The following CDH23 variants were observed in gnomAD, a reference collection of about 807,000 sequenced individuals.
CDH23 encodes cadherin related 23.
Under a neutral mutation model 317.1 loss-of-function variants are expected in CDH23, and 189 were observed. That is an observed-to-expected ratio of 0.60 (90% confidence interval 0.53 to 0.67). The LOEUF (loss-of-function observed/expected upper bound fraction) is 0.67, where lower values mean the gene tolerates loss of function less well. Ranked by LOEUF, CDH23 falls within the 30% of genes least tolerant of loss-of-function variation. The probability of loss-of-function intolerance (pLI) is 0.00; values close to 1 mark genes in which losing one functional copy is unlikely to be tolerated. For synonymous variants in CDH23, 1,839 were observed against 1,876.8 expected (o/e 0.98, Z 0.52); for missense variants, 4,401 against 4,592.4 (o/e 0.96, Z 1.20).
At chr10:71,734,907 T>C (rs1839512368) in intron 34 of CDH23, among the ~76,000 whole-genome samples, 1 of 152,234 alleles carries the variant, frequency 6.6e-6, no homozygotes, top group Non-Finnish European at 1.5e-5. Flanking sequence ...GGGAGAGTAC[T>C]AGCAAAGGAG....
chr10:71,416,909 C>A (rs566022745), intron 1 of CDH23, among the ~76,000 whole-genome samples: 1 of 152,272 alleles, frequency 6.6e-6, no homozygotes, highest in Admixed American at 6.5e-5. Context: ...TGCCTTCTGG[C>A]TCCCATTGTT....
intron 3 of CDH23, among the ~76,000 whole-genome samples, chr10:71,503,338 T>G (rs1170476132): frequency 6.6e-6 from 1 of 152,190 alleles, no homozygotes; most frequent in Non-Finnish European, 1.5e-5. Context: ...GTGCTACTGA[T>G]TTGGGTGTTA....
At chr10:71,553,794 G>T (rs1378644753) in intron 6 of CDH23, among the ~76,000 whole-genome samples, 2 of 152,246 alleles carry the variant, frequency 1.3e-5, no homozygotes, top group African/African-American at 4.8e-5. Flanking sequence ...CCATTTGTGA[G>T]CAATAGATCT....
chr10:71,793,746 G>A, intron 48 of CDH23, 106 bp downstream of exon 48: 1 of 848,590 alleles, frequency 1.2e-6, no homozygotes, highest in Admixed American at 2.9e-5. Context: ...CTGTTCCCTT[G>A]CTACTCTCTT....
rs1011995074 is a variant in CDH23, at chr10:71,795,914, C to A, written c.6713-1190C>A. On this transcript the variant is annotated intron_variant, in intron 48 of 69. Coordinates refer to ENST00000224721, the MANE Select transcript of CDH23 (RefSeq NM_022124.6). Reference sequence around the variant, plus strand: ...ACCCCATTGCCTTCCTCCATGCCCACCACACCCCCACCACCCTTCCTGTCC... The same window carrying A: ...ACCCCATTGCCTTCCTCCATGCCCAACACACCCCCACCACCCTTCCTGTCC... 1.4e-5 allele frequency: 14 copies of A among 986,394 alleles called. No individual in the cohort carries two copies. In the African/African-American group the frequency reaches 2.1e-4, roughly 15 times the overall value. The allele number at this position is 986,394 out of a possible 1,614,324, so 61.1% of individuals were successfully genotyped here. A position where few individuals can be genotyped will look rare whatever the true frequency, so the allele number is the denominator to read the frequency against.
chr10:71,436,526 T>C (rs899403695), intron 1 of CDH23, among the ~76,000 whole-genome samples: 2 of 152,244 alleles, frequency 1.3e-5, no homozygotes, highest in African/African-American at 4.8e-5. Context: ...CAGGAGACTC[T>C]GACTCAGGCA....
intron 29 of CDH23, among the ~76,000 whole-genome samples, chr10:71,724,715 C>T (rs1201783035): frequency 6.6e-6 from 1 of 152,252 alleles, no homozygotes; most frequent in African/African-American, 2.4e-5. Context: ...AGCACGCTCC[C>T]CAGGGACTGG....
intron 11 of CDH23, among the ~76,000 whole-genome samples, chr10:71,632,305 A>G (rs981956708): frequency 2.0e-5 from 3 of 152,166 alleles, no homozygotes; most frequent in Non-Finnish European, 4.4e-5. Context: ...GCACCCTCCT[A>G]TACAGCTAGA....
intron 3 of CDH23, among the ~76,000 whole-genome samples, chr10:71,494,162 C>T (rs1437466158): frequency 1.3e-5 from 2 of 152,138 alleles, no homozygotes; most frequent in Non-Finnish European, 2.9e-5. Context: ...AGCAAAGTGC[C>T]AAGCTCATCA....
At chr10:71,679,542 C>A in intron 17 of CDH23, 50 bp downstream of exon 17, 1 of 1,340,760 alleles carries the variant, frequency 7.5e-7, no homozygotes, top group Non-Finnish European at 1.1e-6. Flanking sequence ...GGCTGGGGGG[C>A]TCTCTGCACT....
intron 3 of CDH23, among the ~76,000 whole-genome samples, chr10:71,463,863 G>A (rs937200146): frequency 1.3e-5 from 2 of 152,188 alleles, no homozygotes; most frequent in Admixed American, 1.3e-4. Flanking sequence ...TCCCTACACT[G>A]GCCACTTCTT....
chr10:71,731,859 C>A, intron 31 of CDH23, 128 bp from the exon 32 acceptor site: 1 of 894,832 alleles, frequency 1.1e-6, no homozygotes. Context: ...GATGATCCTG[C>A]CGGCAGAGGT....
chr10:71,702,256 C>T lies in CDH23; in HGVS notation c.2587+45C>T, dbSNP rs373980701. ...CTCACGGCCCCCACACCTTAGGCTG[C>T]GGGTGTCCCTGGTGACTGGGCCTCT... On this transcript the variant is annotated intron_variant, in intron 23 of 69. Transcript: ENST00000224721. 1.2e-4 allele frequency: 183 copies of T among 1,582,532 alleles called. No individual in the cohort carries two copies. Among genetic ancestry groups the T allele is most frequent in the Non-Finnish European group, 1.5e-4 (174 of 1,157,294 alleles).
intron 38 of CDH23, chr10:71,762,118 T>G (rs888339498): frequency 4.3e-6 from 6 of 1,398,442 alleles, no homozygotes; most frequent in Non-Finnish European, 5.7e-6. Flanking sequence ...CTCTGCTACT[T>G]CCCAGCCACA....
At chr10:71,511,482 G>A (rs556469409) in intron 6 of CDH23, among the ~76,000 whole-genome samples, 1 of 145,838 alleles carries the variant, frequency 6.9e-6, no homozygotes, top group South Asian at 2.3e-4. Context: ...TCAATGGTGG[G>A]ACAAGAGTTG....
intron 1 of CDH23, among the ~76,000 whole-genome samples, chr10:71,403,322 CCTTCCTTT>C (rs1443347082): frequency 1.7e-3 from 154 of 92,234 alleles, no homozygotes; most frequent in African/African-American, 2.0e-3. Context: ...TTTCTTCCTT[CCTTCCTTT>C]CTTTCTTTCT....
chr10:71,689,158 A>AGCCAGGGG (rs1589336711), intron 19 of CDH23, among the ~76,000 whole-genome samples: 2 of 20,714 alleles, frequency 9.7e-5, no homozygotes, highest in Admixed American at 5.6e-4. Context: ...GGAGTCAGGG[A>AGCCAGGGG]TGGTGGAGTC....
chr10:71,756,909 G>A (rs562539962), intron 38 of CDH23, among the ~76,000 whole-genome samples: 15 of 152,196 alleles, frequency 9.9e-5, no homozygotes, highest in Non-Finnish European at 1.5e-4. Flanking sequence ...CAGGAGGTTT[G>A]TTCATACTGC....
chr10:71,717,308 G>T (rs943121521), intron 28 of CDH23: 4 of 152,204 alleles, frequency 2.6e-5, no homozygotes, highest in African/African-American at 9.7e-5. Context: ...CCAAGTGAAG[G>T]TCAGAAGCAG....
Sources: gnomAD v4.1 joint callset for allele counts (sites outside exome capture counted in the v4.1 genomes callset) on GRCh38, gnomAD v4.1.1 for gene constraint, MANE v1.5 for transcripts, NCBI Gene and HGNC (gene_info 2026-07-23, HGNC 2026-07-21) for gene names.